The following L2HGDH variants were observed in gnomAD, a reference collection of about 807,000 sequenced individuals.
L2HGDH encodes L-2-hydroxyglutarate dehydrogenase, mitochondrial.
Under a neutral mutation model 51.5 loss-of-function variants are expected in L2HGDH, and 34 were observed. The observed-to-expected ratio is 0.66, with a 90% CI of 0.50 to 0.88. L2HGDH has a LOEUF of 0.88. Ranked by LOEUF, L2HGDH falls within the 40% of genes least tolerant of loss-of-function variation. The pLI is 0.00. For synonymous variants in L2HGDH, 198 were observed against 197.9 expected (o/e 1.00, Z -0.01); for missense variants, 558 against 571.9 (o/e 0.98, Z 0.25).
chr14:50,242,451 T>C lies in L2HGDH; in HGVS notation c.*4607A>G, dbSNP rs550039105. ...AAAGAAACTTAAAATAAGATAACTT[T>C]AATGTGAGATCCTTCCCATAAGCAG... On this transcript the variant is annotated 3_prime_UTR_variant, in exon 10 of 10. Transcript: ENST00000267436. 1.0e-6 allele frequency: 1 copy of C among 983,108 alleles called. No homozygotes were observed. Among genetic ancestry groups the C allele is most frequent in the East Asian group, 1.1e-4 (1 of 8,816 alleles). The allele number at this position is 983,108 out of a possible 1,614,324, so 60.9% of individuals were successfully genotyped here.
chr14:50,265,294 A>C, intron 9 of L2HGDH, 64 bp downstream of exon 9: 2 of 1,432,694 alleles, frequency 1.4e-6, no homozygotes, highest in Admixed American at 3.4e-5. Flanking sequence ...TCACCAAGTC[A>C]GACCCACCTC....
At chr14:50,268,245 G>A (rs963613463) in intron 7 of L2HGDH, among the ~76,000 whole-genome samples, 2 of 152,014 alleles carry the variant, frequency 1.3e-5, no homozygotes, top group African/African-American at 2.4e-5. Flanking sequence ...CTGGCGTGGT[G>A]GTGTGCACCT....
chr14:50,272,056 A>T (rs1372247719), intron 6 of L2HGDH, among the ~76,000 whole-genome samples: 1 of 152,098 alleles, frequency 6.6e-6, no homozygotes, highest in Non-Finnish European at 1.5e-5. Context: ...CACAACAATC[A>T]CTTGAATCTG....
chr14:50,300,573 G>A (rs1029568297), intron 3 of L2HGDH, among the ~76,000 whole-genome samples: 1 of 152,068 alleles, frequency 6.6e-6, no homozygotes, highest in Non-Finnish European at 1.5e-5. Flanking sequence ...GAGATTACAG[G>A]CAGGCGTGAG....
At chr14:50,295,157 T>C (rs1050340920) in intron 3 of L2HGDH, among the ~76,000 whole-genome samples, 1 of 152,204 alleles carries the variant, frequency 6.6e-6, no homozygotes, top group Non-Finnish European at 1.5e-5. Flanking sequence ...ATAAAAACTG[T>C]AACTAGACTT....
Position 50,302,003 on chromosome 14 carries a change from A to G in L2HGDH, c.408+14T>C, listed in dbSNP as rs77736285. ...TAGTTGGAAATTAGTCAAGGCTCTA[A>G]TAAAATGCCATACCTTGCCACACTG... On this transcript the variant is annotated intron_variant, in intron 3 of 9. Coordinates refer to ENST00000267436, the MANE Select transcript of L2HGDH (RefSeq NM_024884.3). 771 of 1,613,952 alleles carry G rather than the reference A, an allele frequency of 4.8e-4. 3 individuals carry two copies. The African/African-American group carries it at 7.3e-3, about 15-fold the overall frequency.
rs913168790 is a variant in L2HGDH, at chr14:50,243,663, T to TTTTATA, written c.*3394_*3395insTATAAA. 5.1e-4 allele frequency: 90 copies of TTTTATA among 176,422 alleles called. No homozygotes were observed. The highest frequency in any genetic ancestry group is 7.6e-4 in the South Asian group (4 of 5,290). 10.9% of individuals were successfully genotyped at this position (176,422 alleles called of 1,614,324 possible). ...TTTCATTTTTATTTTTCAGGGTATT[T>TTTTATA]TATATATATATATATATATATATTG... On this transcript the variant is annotated 3_prime_UTR_variant, in exon 10 of 10. Coordinates refer to ENST00000267436, the MANE Select transcript of L2HGDH (RefSeq NM_024884.3).
At chr14:50,271,392 G>A (rs570814078) in intron 6 of L2HGDH, among the ~76,000 whole-genome samples, 1 of 152,256 alleles carries the variant, frequency 6.6e-6, no homozygotes, top group East Asian at 1.9e-4. Flanking sequence ...CAAAACTCAA[G>A]CAACAGTTCC....
intron 9 of L2HGDH, among the ~76,000 whole-genome samples, chr14:50,259,391 T>C (rs1338117540): frequency 1.6e-5 from 2 of 123,270 alleles, no homozygotes; most frequent in Non-Finnish European, 3.3e-5. Flanking sequence ...TTTTCAGAAA[T>C]GGGGTCTCAC....
intron 9 of L2HGDH, among the ~76,000 whole-genome samples, chr14:50,262,228 T>C (rs987709939): frequency 6.6e-6 from 1 of 151,990 alleles, no homozygotes; most frequent in Admixed American, 6.5e-5. Context: ...GGTCAGGAGA[T>C]TGAGACCATC....
At chr14:50,258,506 A>C (rs1350811705) in intron 9 of L2HGDH, among the ~76,000 whole-genome samples, 1 of 150,406 alleles carries the variant, frequency 6.6e-6, no homozygotes, top group East Asian at 2.0e-4. Context: ...TATAGGTGTC[A>C]GCCACCACGC....
chr14:50,280,064 G>GAA (rs201567688), intron 5 of L2HGDH, among the ~76,000 whole-genome samples: 4 of 118,096 alleles, frequency 3.4e-5, no homozygotes, highest in African/African-American at 1.3e-4. Flanking sequence ...CGTCTCAAAA[G>GAA]AAAAAAAAAA....
chr14:50,287,912 G>C (rs895948780), intron 4 of L2HGDH, among the ~76,000 whole-genome samples: 2 of 151,850 alleles, frequency 1.3e-5, no homozygotes. Context: ...TTGCCAGGCT[G>C]ATCTCGAATT....
intron 1 of L2HGDH, among the ~76,000 whole-genome samples, chr14:50,304,286 T>C (rs999722057): frequency 1.3e-5 from 2 of 152,236 alleles, no homozygotes; most frequent in Admixed American, 6.5e-5. Context: ...CAAAATGTTG[T>C]TATGCGGTGC....
chr14:50,269,215 TA>T lies in L2HGDH; in HGVS notation c.853del (p.Tyr285ThrfsTer4), dbSNP rs748910382. 8 of 1,613,862 alleles carry T rather than the reference TA, an allele frequency of 5.0e-6. No individual in the cohort carries two copies. The highest frequency in any genetic ancestry group is 5.1e-6 in the Non-Finnish European group (6 of 1,179,982). ...ACATTTTTCTGGCTTCAAAAGCAGG[TA>T]ATCTCCCCGGAATGGTACAATTCGA... ...DPRIVPFRGD[Y>X]LLLKPEKCYL... On this transcript the variant is annotated frameshift_variant, in exon 7 of 10. Coordinates refer to ENST00000267436, the MANE Select transcript of L2HGDH (RefSeq NM_024884.3). LOFTEE classifies it high-confidence loss of function.
intron 4 of L2HGDH, among the ~76,000 whole-genome samples, chr14:50,292,270 C>T (rs557899134): frequency 3.1e-4 from 47 of 152,290 alleles, no homozygotes; most frequent in African/African-American, 1.1e-3. Context: ...TCATTGCAAT[C>T]TCAGTCAAAA....
chr14:50,260,739 C>A (rs2139957282), intron 9 of L2HGDH, among the ~76,000 whole-genome samples: 1 of 152,256 alleles, frequency 6.6e-6, no homozygotes, highest in African/African-American at 2.4e-5. Context: ...GGAGATTTTG[C>A]CCCCTACAGG....
chr14:50,300,106 G>T (rs2030316976), intron 3 of L2HGDH, among the ~76,000 whole-genome samples: 1 of 152,068 alleles, frequency 6.6e-6, no homozygotes, highest in Non-Finnish European at 1.5e-5. Context: ...TTTGTTAAAG[G>T]ACACAAAATT....
At chr14:50,307,547 T>C (rs912487242) in intron 1 of L2HGDH, among the ~76,000 whole-genome samples, 9 of 152,200 alleles carry the variant, frequency 5.9e-5, no homozygotes, top group African/African-American at 1.9e-4. Context: ...CACCAATGAA[T>C]GGTTTAACAG....
Sources: gnomAD v4.1 joint callset for allele counts (sites outside exome capture counted in the v4.1 genomes callset) on GRCh38, gnomAD v4.1.1 for gene constraint, MANE v1.5 for transcripts, NCBI Gene and HGNC (gene_info 2026-07-23, HGNC 2026-07-21) for gene names.